Variants in EPB41L3 observed in about 807,000 individuals in gnomAD.
The protein encoded by EPB41L3 is band 4.1-like protein 3.
In EPB41L3, 57 loss-of-function variants were observed where a neutral mutation model predicts 127.1. The observed-to-expected ratio is 0.45, with a 90% CI of 0.36 to 0.56. EPB41L3 has a LOEUF of 0.56. Ranked by LOEUF, EPB41L3 falls within the 20% of genes least tolerant of loss-of-function variation. The pLI, the probability that EPB41L3 is intolerant of heterozygous loss-of-function variation, is 0.00. For synonymous variants in EPB41L3, 572 were observed against 549.5 expected (o/e 1.04, Z -0.57); for missense variants, 1,273 against 1,372.2 (o/e 0.93, Z 1.14).
intron 3 of EPB41L3, among the ~76,000 whole-genome samples, chr18:5,472,753 G>T (rs1180917787): frequency 6.6e-6 from 1 of 152,154 alleles, no homozygotes; most frequent in African/African-American, 2.4e-5. Flanking sequence ...CTACGATGTT[G>T]AATCTCAATA....
At chr18:5,484,075 C>T in intron 2 of EPB41L3, among the ~76,000 whole-genome samples, 1 of 23,886 alleles carries the variant, frequency 4.2e-5, no homozygotes, top group Non-Finnish European at 8.8e-5. Context: ...TAAAACAAGT[C>T]CAAACAAACT....
chr18:5,513,932 T>C (rs2092649214), intron 1 of EPB41L3, among the ~76,000 whole-genome samples: 1 of 152,174 alleles, frequency 6.6e-6, no homozygotes, highest in Non-Finnish European at 1.5e-5. Context: ...GATGATAAAA[T>C]ATGATATAGC....
intron 1 of EPB41L3, among the ~76,000 whole-genome samples, chr18:5,501,999 G>C (rs8091980): frequency 0.19 from 28,852 of 152,018 alleles, 3,055 homozygotes; most frequent in African/African-American, 0.28. Flanking sequence ...TTATGAAAGC[G>C]TTAAGAGACA....
intron 3 of EPB41L3, among the ~76,000 whole-genome samples, chr18:5,468,764 C>A (rs1349271118): frequency 6.6e-6 from 1 of 151,964 alleles, no homozygotes; most frequent in Non-Finnish European, 1.5e-5. Context: ...AATACAAAAA[C>A]AATTAGCCAG....
At chr18:5,436,566 G>T (rs1340471234) in intron 6 of EPB41L3, among the ~76,000 whole-genome samples, 7 of 151,906 alleles carry the variant, frequency 4.6e-5, no homozygotes, top group Non-Finnish European at 1.0e-4. Flanking sequence ...CCGCCACGAT[G>T]CCCGGCTAAT....
chr18:5,402,716 G>T (rs1485441686), intron 16 of EPB41L3, among the ~76,000 whole-genome samples: 2 of 152,158 alleles, frequency 1.3e-5, no homozygotes, highest in African/African-American at 2.4e-5. Context: ...TTAGGATATA[G>T]TCAGATATAT....
chr18:5,540,268 C>T, intron 1 of EPB41L3: 12 of 832,656 alleles, frequency 1.4e-5, no homozygotes, highest in Non-Finnish European at 1.6e-5. Context: ...ACGTCTCCTT[C>T]CTTACTCTTG....
intron 3 of EPB41L3, among the ~76,000 whole-genome samples, chr18:5,597,582 A>C (rs1425241048): frequency 6.6e-6 from 1 of 152,218 alleles, no homozygotes; most frequent in Non-Finnish European, 1.5e-5. Flanking sequence ...GTAAGAGATG[A>C]ATATACAATA....
At chr18:5,615,823 G>A (rs2094788261) in intron 1 of EPB41L3, among the ~76,000 whole-genome samples, 1 of 152,104 alleles carries the variant, frequency 6.6e-6, no homozygotes, top group Admixed American at 6.5e-5. Context: ...AAGAGAGCAT[G>A]GCTTCTTAGT....
intron 16 of EPB41L3, chr18:5,399,405 G>C (rs1477835261): frequency 5.0e-6 from 2 of 398,442 alleles, no homozygotes; most frequent in African/African-American, 4.1e-5. Flanking sequence ...AAATATAAAA[G>C]CTAAATTAGA....
Position 5,445,190 on chromosome 18 carries a change from G to A in EPB41L3, c.436C>T (p.Leu146=), listed in dbSNP as rs1456670847. Residue 146 remains leucine, a synonymous_variant, in exon 4 of 23, where the codon CTA becomes TTA. Coordinates refer to ENST00000341928, the MANE Select transcript of EPB41L3 (RefSeq NM_012307.5). ...FDKVCEHLNL[L]EKDYFGLTYR... ...GTAAGCCCAAAGTAGTCTTTCTCTA[G>A]CAAGTTCAAGTGTTCACACACTTTA... The A allele has an allele frequency of 6.2e-7, 1 of 1,614,088 alleles. No individual in the cohort carries two copies. Among genetic ancestry groups the A allele is most frequent in the African/African-American group, 1.3e-5 (1 of 75,048 alleles).
chr18:5,617,789 G>A (rs770677098), intron 1 of EPB41L3, among the ~76,000 whole-genome samples: 11 of 152,184 alleles, frequency 7.2e-5, no homozygotes, highest in Non-Finnish European at 1.2e-4. Context: ...TTGGAGCAAG[G>A]AGTATATTTT....
In EPB41L3 at chr18:5,489,127, G is replaced by A. The variant is rs2090284355; in HGVS notation, c.57C>T (p.Pro19=). ...SESKPDQEAE[P]QEAAGAQGRA... is the part of the protein sequence containing the mutation. ...GCCCCTGCGCCCCCGCCGCCTCCTG[G>A]GGCTCGGCCTCCTGGTCCGGCTTGG... The change falls in exon 2 of 23, where the codon CCC becomes CCT. Residue 19 remains proline, a synonymous_variant. Coordinates refer to ENST00000341928, the MANE Select transcript of EPB41L3 (RefSeq NM_012307.5). 6.3e-7 allele frequency: 1 copy of A among 1,594,570 alleles called. No individual in the cohort carries two copies. The highest frequency in any genetic ancestry group is 1.1e-5 in the South Asian group (1 of 89,200).
intron 3 of EPB41L3, among the ~76,000 whole-genome samples, chr18:5,472,144 A>C (rs140707575): frequency 1.1e-4 from 17 of 152,348 alleles, no homozygotes; most frequent in African/African-American, 2.9e-4. Flanking sequence ...TTAAAAATGA[A>C]AACCAGGAAA....
At chr18:5,579,884 C>G (rs541887847) in intron 3 of EPB41L3, among the ~76,000 whole-genome samples, 1 of 152,148 alleles carries the variant, frequency 6.6e-6, no homozygotes, top group African/African-American at 2.4e-5. Context: ...TTAGAGATGA[C>G]GGTGAAGATG....
chr18:5,445,752 G>T (rs986281391), intron 3 of EPB41L3, among the ~76,000 whole-genome samples: 1 of 152,210 alleles, frequency 6.6e-6, no homozygotes, highest in South Asian at 2.1e-4. Context: ...GGTGGCAGGC[G>T]AGCAAGCATT....
At chr18:5,587,620 T>C (rs2094452248) in intron 3 of EPB41L3, among the ~76,000 whole-genome samples, 1 of 152,160 alleles carries the variant, frequency 6.6e-6, no homozygotes, top group Non-Finnish European at 1.5e-5. Flanking sequence ...ACTGGTAGCA[T>C]AGACCACAAA....
At chr18:5,533,886 C>T (rs1221391634) in intron 1 of EPB41L3, among the ~76,000 whole-genome samples, 1 of 152,168 alleles carries the variant, frequency 6.6e-6, no homozygotes, top group East Asian at 1.9e-4. Context: ...AACCCAAGGC[C>T]GGGCGCCGTG....
At chr18:5,455,164 C>A (rs947758742) in intron 3 of EPB41L3, among the ~76,000 whole-genome samples, 10 of 152,138 alleles carry the variant, frequency 6.6e-5, no homozygotes, top group Non-Finnish European at 1.5e-5. Flanking sequence ...TATTATTAGG[C>A]CTTTTTCATA....
Sources: gnomAD v4.1 joint callset for allele counts (sites outside exome capture counted in the v4.1 genomes callset) on GRCh38, gnomAD v4.1.1 for gene constraint, MANE v1.5 for transcripts, NCBI Gene and HGNC (gene_info 2026-07-23, HGNC 2026-07-21) for gene names.